CPSF6: variants seen among roughly 807,000 people sequenced by gnomAD.
The protein encoded by CPSF6 is cleavage and polyadenylation specificity factor subunit 6.
Under a neutral mutation model 56.7 loss-of-function variants are expected in CPSF6, and 10 were observed. The ratio of observed to expected loss-of-function variants is 0.18; its 90% CI spans 0.11 to 0.30. CPSF6 has a LOEUF of 0.30. Among genes scored for constraint, CPSF6 ranks in the 10% least tolerant of loss-of-function variants. The pLI is 1.00. For synonymous variants in CPSF6, 248 were observed against 244.8 expected, an observed-to-expected ratio of 1.01 and a Z score of -0.12; for missense variants, 419 against 722.9, an observed-to-expected ratio of 0.58 and a Z score of 4.82.
intron 2 of CPSF6, chr12:69,252,361 T>C (rs1344989490): frequency 4.3e-6 from 1 of 230,298 alleles, no homozygotes; most frequent in Non-Finnish European, 8.8e-6. Flanking sequence ...AGGATTATGG[T>C]GCCCAGCCTA....
intron 3 of CPSF6, among the ~76,000 whole-genome samples, chr12:69,255,326 A>G (rs559859543): frequency 6.6e-6 from 1 of 152,312 alleles, no homozygotes; most frequent in East Asian, 1.9e-4. Flanking sequence ...CTATTAAGGA[A>G]AATGCCCCTG....
chr12:69,251,354 A>G lies in CPSF6; in HGVS notation c.270+16A>G, dbSNP rs748967800. The G allele has an allele frequency of 1.5e-5, 21 of 1,422,908 alleles. No individual in the cohort carries two copies. The highest frequency in any genetic ancestry group is 1.9e-5 in the Non-Finnish European group (19 of 1,015,174). 88.1% of individuals were successfully genotyped at this position (1,422,908 alleles called of 1,614,324 possible). On this transcript the variant is annotated intron_variant, in intron 2 of 9. Transcript: ENST00000435070. Reference sequence around the variant, plus strand: ...TCTAACATGGGTAAGTGAAGTTAATATAAGAATTAAATTATTGGTAATTGA... The same window carrying G: ...TCTAACATGGGTAAGTGAAGTTAATGTAAGAATTAAATTATTGGTAATTGA...
chr12:69,251,137 A>G lies in CPSF6; in HGVS notation c.69A>G (p.Glu23=), dbSNP rs1872223056. 5 of 1,608,664 alleles carry G rather than the reference A, an allele frequency of 3.1e-6. No homozygotes were observed. Among genetic ancestry groups the G allele is most frequent in the Non-Finnish European group, 4.3e-6 (5 of 1,176,210 alleles). Residue 23 remains glutamate (E), a synonymous_variant, in exon 2 of 10, where the codon GAA becomes GAG. Coordinates refer to ENST00000435070, the MANE Select transcript of CPSF6 (RefSeq NM_007007.3). ...TTATTTCTGTATCTCAGGAAGCTGA[A>G]TATGGTGGGCATGATCAGATAGATT... ...DVGEEFNQEA[E]YGGHDQIDLY...
intron 9 of CPSF6, among the ~76,000 whole-genome samples, chr12:69,269,074 T>C (rs114153565): frequency 0.016 from 2,384 of 152,046 alleles, 74 homozygotes; most frequent in African/African-American, 0.055. Flanking sequence ...ATTTTGCATT[T>C]TATATTTAGT....
At chr12:69,242,155 ATAG>A (rs1316435939) in intron 1 of CPSF6, among the ~76,000 whole-genome samples, 1 of 152,130 alleles carries the variant, frequency 6.6e-6, no homozygotes, top group African/African-American at 2.4e-5. Flanking sequence ...AAAATACTAA[ATAG>A]TAGCCAGTTT....
Position 69,265,460 on chromosome 12 carries a change from G to GT in CPSF6, c.*3+2905dup, listed in dbSNP as rs1483534569. ...TCTTTGTTTACTGAAACCAAATTAT[G>GT]TTTTTTTAAAATACTCTTTATTCAG... On this transcript the variant is annotated intron_variant, in intron 9 of 9. Transcript: ENST00000435070. 2.6e-5 allele frequency among the ~76,000 whole-genome samples: 4 copies of GT among 152,036 alleles called. No homozygotes were observed. The South Asian group carries it at 6.2e-4, about 24-fold the overall frequency.
intron 1 of CPSF6, among the ~76,000 whole-genome samples, chr12:69,243,092 CAAAA>C (rs112330564): frequency 1.4e-5 from 2 of 146,600 alleles, no homozygotes; most frequent in African/African-American, 5.0e-5. Flanking sequence ...GACCCTGTCT[CAAAA>C]AAAAAAGATT....
intron 1 of CPSF6, among the ~76,000 whole-genome samples, chr12:69,250,600 AAAAAAAAG>A (rs1237811304): frequency 6.5e-5 from 7 of 107,426 alleles, no homozygotes; most frequent in African/African-American, 1.9e-4. Context: ...CAAAAAAAAA[AAAAAAAAG>A]AAAAAAAAGA....
rs1197316850 is a variant in CPSF6, at chr12:69,273,717, G to GT, written c.*4210dup. The GT allele has an allele frequency of 6.6e-6, 1 of 151,668 alleles. No individual in the cohort carries two copies. The highest frequency in any genetic ancestry group is 6.6e-5 in the Admixed American group (1 of 15,210). The allele number at this position is 151,668 out of a possible 1,614,324, so 9.4% of individuals were successfully genotyped here. ...TGTTTATTTTTTTACTTTGAAAATT[G>GT]TAGTACTCAGGTGGTATTTAATGGG... On this transcript the variant is annotated 3_prime_UTR_variant, in exon 10 of 10. Coordinates refer to ENST00000435070, the MANE Select transcript of CPSF6 (RefSeq NM_007007.3).
chr12:69,257,914 T>C lies in CPSF6; in HGVS notation c.694+9T>C, dbSNP rs757138275. 3.1e-6 allele frequency: 5 copies of C among 1,590,352 alleles called. No homozygotes were observed. In the South Asian group the frequency reaches 5.7e-5, roughly 18 times the overall value. ...ACCCCCACCTTTTCCAGGTAAAACT[T>C]TTCTTAAATTACCATGGATAAAACA... On this transcript the variant is annotated intron_variant, in intron 5 of 9. Coordinates refer to ENST00000435070, the MANE Select transcript of CPSF6 (RefSeq NM_007007.3).
At chr12:69,249,110 A>C (rs898778526) in intron 1 of CPSF6, among the ~76,000 whole-genome samples, 3 of 128,176 alleles carry the variant, frequency 2.3e-5, no homozygotes, top group African/African-American at 9.1e-5. Flanking sequence ...AATACAAGAA[A>C]TTAGCTGGGC....
At chr12:69,247,173 T>A (rs1326869668) in intron 1 of CPSF6, among the ~76,000 whole-genome samples, 1 of 152,140 alleles carries the variant, frequency 6.6e-6, no homozygotes, top group Non-Finnish European at 1.5e-5. Context: ...ACAGGGATAA[T>A]GAAAAGGTTG....
chr12:69,273,046 T>C lies in CPSF6; in HGVS notation c.*3538T>C, dbSNP rs2120679367. The C allele has an allele frequency of 3.6e-6, 1 of 274,394 alleles. No individual in the cohort carries two copies. The highest frequency in any genetic ancestry group is 2.2e-5 in the African/African-American group (1 of 44,472). 17.0% of individuals were successfully genotyped at this position (274,394 alleles called of 1,614,324 possible). ...TTAAGATGTGGCCTTACATATGGCA[T>C]TCCTTGTGTTCGTAATGTGAGATTT... On this transcript the variant is annotated 3_prime_UTR_variant, in exon 10 of 10. Transcript: ENST00000435070.
chr12:69,257,861 T>A lies in CPSF6; in HGVS notation c.650T>A (p.Phe217Tyr). The change falls in exon 5 of 10, where the codon TTT becomes TAT. Residue 217 changes from phenylalanine to tyrosine, a missense_variant. This residue lies in a region of CPSF6 where 211 missense variants were observed against 296.0 expected (regional missense o/e 0.71). Transcript: ENST00000435070. ...FPGAVPGGDRFPGPAGPGGPP... is the reference protein window; with the variant it reads ...FPGAVPGGDRYPGPAGPGGPP... ...GGGGCTGTTCCTGGTGGGGACAGATTTCCTGGGCCAGCAGGACCAGGAGGG... is the reference window on the plus strand; with the variant it reads ...GGGGCTGTTCCTGGTGGGGACAGATATCCTGGGCCAGCAGGACCAGGAGGG... 1 of 1,606,850 alleles carries A rather than the reference T, an allele frequency of 6.2e-7. No homozygotes were observed. The highest frequency in any genetic ancestry group is 1.3e-5 in the African/African-American group (1 of 74,392).
At position 69,272,676 on chromosome 12, in the gene CPSF6, A is replaced by C. The variant is rs1873299691; in HGVS notation, c.*3168A>C. The stretch of plus-strand genomic sequence containing the variant: ...TCTTGACTGAGAATACAGTATTGAG[A>C]TTCTCTGTTTTACAGATAACAACTG... On this transcript the variant is annotated 3_prime_UTR_variant, in exon 10 of 10. Coordinates refer to ENST00000435070, the MANE Select transcript of CPSF6 (RefSeq NM_007007.3). The C allele has an allele frequency of 6.6e-6, 1 of 151,838 alleles. No homozygotes were observed. Among genetic ancestry groups the C allele is most frequent in the South Asian group, 2.1e-4 (1 of 4,828 alleles). 9.4% of individuals were successfully genotyped at this position (151,838 alleles called of 1,614,324 possible).
chr12:69,245,096 TAAAAAAA>T (rs11317829), intron 1 of CPSF6, among the ~76,000 whole-genome samples: 2 of 138,066 alleles, frequency 1.4e-5, no homozygotes, highest in South Asian at 2.4e-4. Flanking sequence ...CGTCTCTATT[TAAAAAAA>T]AAAAAAAAAA....
chr12:69,239,584 G>C lies in CPSF6; in HGVS notation c.-63G>C. On this transcript the variant is annotated 5_prime_UTR_variant, in exon 1 of 10. Coordinates refer to ENST00000435070, the MANE Select transcript of CPSF6 (RefSeq NM_007007.3). The stretch of plus-strand genomic sequence containing the variant: ...CCCCACCGCCGCTAGATCCGCTGCT[G>C]CTGCCGCGGCGGGCAGACCTGCAGG... 1.3e-6 allele frequency: 2 copies of C among 1,522,414 alleles called. No individual in the cohort carries two copies. The highest frequency in any genetic ancestry group is 8.8e-7 in the Non-Finnish European group (1 of 1,135,728). The allele number at this position is 1,522,414 out of a possible 1,614,324, so 94.3% of individuals were successfully genotyped here.
At chr12:69,259,985 T>TA (rs1463597149) in intron 7 of CPSF6, 59 bp from the exon 8 acceptor site, 22 of 1,587,128 alleles carry the variant, frequency 1.4e-5, no homozygotes, top group Non-Finnish European at 1.9e-5. Flanking sequence ...CCCAAGTGGT[T>TA]TGATGGTGTT....
At chr12:69,266,255 A>G (rs1013738895) in intron 9 of CPSF6, among the ~76,000 whole-genome samples, 2 of 151,914 alleles carry the variant, frequency 1.3e-5, no homozygotes, top group African/African-American at 2.4e-5. Flanking sequence ...CATGTATCCT[A>G]ACTGCTCTGC....
Sources: allele counts gnomAD v4.1 joint callset (sites outside exome capture counted in the v4.1 genomes callset), GRCh38; gene constraint gnomAD v4.1.1; regional missense constraint gnomAD v4.1.1; transcripts MANE v1.5; gene names NCBI Gene and HGNC (gene_info 2026-07-23, HGNC 2026-07-21).